FOXN3: variants seen among roughly 807,000 people sequenced by gnomAD.
FOXN3 encodes the protein forkhead box N3, also known as forkhead box protein N3.
Under a neutral mutation model 38.4 loss-of-function variants are expected in FOXN3, and 7 were observed. That is an observed-to-expected ratio of 0.18 (90% CI 0.10 to 0.34). FOXN3 has a LOEUF of 0.34. Among genes scored for constraint, FOXN3 ranks in the 10% least tolerant of loss-of-function variants. The probability of loss-of-function intolerance (pLI) is 1.00; values close to 1 mark genes in which losing one functional copy is unlikely to be tolerated. For synonymous variants in FOXN3, 230 were observed against 242.2 expected (o/e 0.95, Z 0.47); for missense variants, 456 against 613.4 (o/e 0.74, Z 2.71).
At chr14:89,521,156 A>G (rs549053599) in intron 1 of FOXN3, among the ~76,000 whole-genome samples, 6 of 152,254 alleles carry the variant, frequency 3.9e-5, no homozygotes, top group African/African-American at 1.4e-4. Context: ...CTAAAAATAC[A>G]AAAATTAGCT....
At chr14:89,337,571 A>G (rs1169233588) in intron 3 of FOXN3, among the ~76,000 whole-genome samples, 1 of 152,054 alleles carries the variant, frequency 6.6e-6, no homozygotes, top group Non-Finnish European at 1.5e-5. Flanking sequence ...AATAATGAAC[A>G]AGACAAAGCT....
At chr14:89,209,025 A>G (rs1888454739) in intron 4 of FOXN3, among the ~76,000 whole-genome samples, 1 of 152,264 alleles carries the variant, frequency 6.6e-6, no homozygotes, top group Admixed American at 6.5e-5. Flanking sequence ...AAACACACTA[A>G]AATAAAATGA....
At position 89,162,798 on chromosome 14, in the gene FOXN3, G is replaced by A. The variant is rs542281263; in HGVS notation, c.1023C>T (p.Asp341=). The change falls in exon 6 of 6, where the codon GAC becomes GAT. Residue 341 remains aspartate (D), a synonymous_variant. Transcript: ENST00000557258. The surrounding 1 kb of genome is among the most constrained non-coding windows in gnomAD (Gnocchi z 7.2). The part of the protein sequence containing the change: ...DSISSSSSSA[D]DHYEFATKGS... ...CCTTGGTGGCAAACTCATAGTGGTC[G>A]TCGGCTGAGGAGGAGGAGGAGGAGA... 13 of 1,612,830 alleles carry A rather than the reference G, an allele frequency of 8.1e-6. No individual in the cohort carries two copies. The highest frequency in any genetic ancestry group is 6.7e-5 in the East Asian group (3 of 44,868).
chr14:89,598,606 T>G (rs1357505048), intron 1 of FOXN3, among the ~76,000 whole-genome samples: 2 of 152,364 alleles, frequency 1.3e-5, no homozygotes, highest in Admixed American at 6.5e-5. Context: ...TTTTAATATC[T>G]TTAACTCTTC....
intron 1 of FOXN3, among the ~76,000 whole-genome samples, chr14:89,616,563 T>C (rs998976246): frequency 4.9e-5 from 5 of 102,268 alleles, no homozygotes; most frequent in Non-Finnish European, 8.8e-5. Flanking sequence ...GCCTTCAAAA[T>C]GCCACCAGTC....
rs1367497811 is a variant in FOXN3, at chr14:89,425,227, T to C, written c.-14-12737A>G. Among the ~76,000 whole-genome samples the C allele has an allele frequency of 2.6e-5, 4 of 152,116 alleles. No individual in the cohort carries two copies. The East Asian group carries it at 7.7e-4, about 29-fold the overall frequency. On this transcript the variant is annotated intron_variant, in intron 1 of 6. Transcript: ENST00000345097. ...CTGGGATTACAGGCACATGCCATCATACCCAGCTATTGTTTGTATTTTCAG... is the reference window on the plus strand; with the variant it reads ...CTGGGATTACAGGCACATGCCATCACACCCAGCTATTGTTTGTATTTTCAG...
chr14:89,289,829 T>C (rs550023767), intron 3 of FOXN3, among the ~76,000 whole-genome samples: 1 of 152,302 alleles, frequency 6.6e-6, no homozygotes, highest in East Asian at 1.9e-4. Context: ...TGAAATTGTC[T>C]AAAAGATAAA....
At chr14:89,563,477 C>A (rs1895289229) in intron 1 of FOXN3, among the ~76,000 whole-genome samples, 1 of 152,194 alleles carries the variant, frequency 6.6e-6, no homozygotes, top group African/African-American at 2.4e-5. Flanking sequence ...CACTAAAAGG[C>A]AGGCCTATGA....
rs191196216 is a variant in FOXN3, at chr14:89,484,437, G to C, written c.-14-71947C>G. Among the ~76,000 whole-genome samples the C allele has an allele frequency of 1.3e-5, 2 of 152,280 alleles. No homozygotes were observed. The highest frequency in any genetic ancestry group is 3.9e-4 in the East Asian group (2 of 5,184). ...CTCTGTTTCAATAACATTTTATTTAGGGACACTGAAATTTGCATTCCATAT... is the reference window on the plus strand; with the variant it reads ...CTCTGTTTCAATAACATTTTATTTACGGACACTGAAATTTGCATTCCATAT... On this transcript the variant is annotated intron_variant, in intron 1 of 6. Coordinates refer to the FOXN3 transcript ENST00000345097. The surrounding 1 kb of genome is among the most constrained non-coding windows in gnomAD (Gnocchi z 4.0).
intron 2 of FOXN3, among the ~76,000 whole-genome samples, chr14:89,380,077 T>C (rs1890597793): frequency 6.6e-6 from 1 of 152,160 alleles, no homozygotes; most frequent in Non-Finnish European, 1.5e-5. Context: ...TGCGTCCCCA[T>C]CCAAATCTCA....
At chr14:89,339,965 T>G (rs1446426586) in intron 3 of FOXN3, among the ~76,000 whole-genome samples, 3 of 151,684 alleles carry the variant, frequency 2.0e-5, no homozygotes, top group African/African-American at 7.3e-5. Context: ...GGTTTGGGGG[T>G]GGGGGGCAAT....
At chr14:89,242,480 C>T (rs1432275209) in intron 4 of FOXN3, among the ~76,000 whole-genome samples, 2 of 152,018 alleles carry the variant, frequency 1.3e-5, no homozygotes, top group African/African-American at 4.8e-5. Context: ...TATAAAAATG[C>T]TGAATTTGTG....
At chr14:89,242,061 C>T (rs1885156248) in intron 4 of FOXN3, among the ~76,000 whole-genome samples, 1 of 152,220 alleles carries the variant, frequency 6.6e-6, no homozygotes, top group South Asian at 2.1e-4. Context: ...GAAAGACAGC[C>T]AGGCCACCTG....
chr14:89,565,180 TG>T (rs1411683662), intron 1 of FOXN3, among the ~76,000 whole-genome samples: 1 of 149,576 alleles, frequency 6.7e-6, no homozygotes, highest in Non-Finnish European at 1.5e-5. Context: ...AGGCAGAGAC[TG>T]GGGTTATGCT....
intron 4 of FOXN3, among the ~76,000 whole-genome samples, chr14:89,201,339 C>A (rs952565148): frequency 6.6e-6 from 1 of 152,144 alleles, no homozygotes; most frequent in African/African-American, 2.4e-5. Flanking sequence ...GAGGAGAGGG[C>A]GATTAATGCC....
At chr14:89,495,535 C>T (rs139299065) in intron 1 of FOXN3, among the ~76,000 whole-genome samples, 4 of 152,210 alleles carry the variant, frequency 2.6e-5, no homozygotes, top group African/African-American at 9.6e-5. Flanking sequence ...AGTAGAAAAC[C>T]TAGTCTTCAA....
intron 1 of FOXN3, among the ~76,000 whole-genome samples, chr14:89,427,506 A>G (rs1235366634): frequency 1.4e-5 from 2 of 140,274 alleles, no homozygotes; most frequent in African/African-American, 5.3e-5. Flanking sequence ...CTTAGTAGAG[A>G]TGGGGTTTCA....
At chr14:89,561,738 TC>T (rs149219691) in intron 1 of FOXN3, among the ~76,000 whole-genome samples, 4,183 of 152,270 alleles carry the variant, frequency 0.027, 82 homozygotes, top group Non-Finnish European at 0.045. Flanking sequence ...TAATTTACAA[TC>T]ATATCAAAAT....
intron 4 of FOXN3, among the ~76,000 whole-genome samples, chr14:89,276,302 A>C (rs938942719): frequency 6.6e-6 from 1 of 152,310 alleles, no homozygotes; most frequent in Non-Finnish European, 1.5e-5. Context: ...CAATAACAAC[A>C]ACCAACAGAA....
Sources: gnomAD v4.1 joint callset for allele counts (sites outside exome capture counted in the v4.1 genomes callset) on GRCh38, gnomAD v4.1.1 for gene constraint, Gnocchi (gnomAD v3.1) non-coding constraint, MANE v1.5 for transcripts, NCBI Gene and HGNC (gene_info 2026-07-23, HGNC 2026-07-21) for gene names.